The following AGBL4 variants were observed in gnomAD, a reference collection of about 807,000 sequenced individuals.
AGBL4 encodes the protein AGBL carboxypeptidase 4, also known as cytosolic carboxypeptidase 6.
A neutral mutation model predicts 66.4 loss-of-function variants in AGBL4; 58 were observed. That is an observed-to-expected ratio of 0.87 (90% CI 0.71 to 1.09). The LOEUF is 1.09. Among genes scored for constraint, AGBL4 ranks in the 50% least tolerant of loss-of-function variants. The pLI, the probability that AGBL4 is intolerant of heterozygous loss-of-function variation, is 0.00. For synonymous variants in AGBL4, 234 were observed against 222.9 expected, an observed-to-expected ratio of 1.05 and a Z score of -0.44; for missense variants, 579 against 631.0, an observed-to-expected ratio of 0.92 and a Z score of 0.88.
rs542672774 is a variant in AGBL4, at chr1:49,530,799, T to A, written c.282+166514A>T. On this transcript the variant is annotated intron_variant, in intron 3 of 13. Transcript: ENST00000371839. ...ATCATCCTGAAGAGAGTAAATATAA[T>A]AAAATGATTAAGAATATAAGCCCTA... Among the ~76,000 whole-genome samples the A allele has an allele frequency of 1.0e-3, 158 of 152,098 alleles. 1 individual carries two copies. Among genetic ancestry groups the A allele is most frequent in the Non-Finnish European group, 1.9e-3 (131 of 67,942 alleles).
intron 3 of AGBL4, among the ~76,000 whole-genome samples, chr1:49,323,401 C>G (rs1190939373): frequency 6.6e-6 from 1 of 151,916 alleles, no homozygotes; most frequent in African/African-American, 2.4e-5. Context: ...CCTGCTTCAG[C>G]CTCTCTAGTA....
At chr1:49,615,325 GACAA>G (rs915361401) in intron 3 of AGBL4, among the ~76,000 whole-genome samples, 10 of 152,036 alleles carry the variant, frequency 6.6e-5, no homozygotes, top group Non-Finnish European at 1.3e-4. Context: ...TATACTTCAG[GACAA>G]ACAATTATGG....
intron 1 of AGBL4, among the ~76,000 whole-genome samples, chr1:49,880,727 G>A (rs1305865675): frequency 1.3e-5 from 2 of 152,300 alleles, no homozygotes; most frequent in East Asian, 3.9e-4. Context: ...ACCTAAGCAA[G>A]CCTGGGCAAT....
At chr1:49,055,888 T>C (rs1345036494) in intron 4 of AGBL4, among the ~76,000 whole-genome samples, 1 of 152,074 alleles carries the variant, frequency 6.6e-6, no homozygotes, top group East Asian at 1.9e-4. Context: ...TTTCAAAAAA[T>C]ATACAATTTT....
chr1:49,897,948 G>A (rs1430676567), intron 1 of AGBL4, among the ~76,000 whole-genome samples: 2 of 151,814 alleles, frequency 1.3e-5, no homozygotes, highest in Non-Finnish European at 2.9e-5. Flanking sequence ...TTTTTTCCAT[G>A]TACAAAAATC....
intron 4 of AGBL4, among the ~76,000 whole-genome samples, chr1:49,230,001 A>G: frequency 6.6e-6 from 1 of 152,226 alleles, no homozygotes; most frequent in East Asian, 1.9e-4. Context: ...AAATTGAGGC[A>G]TAGAGATATT....
At chr1:49,300,950 C>A (rs186189485) in intron 3 of AGBL4, among the ~76,000 whole-genome samples, 1 of 152,252 alleles carries the variant, frequency 6.6e-6, no homozygotes, top group Admixed American at 6.5e-5. Context: ...CCTATACTTG[C>A]CTCTCTCATA....
At chr1:49,778,631 C>G (rs1644258956) in intron 2 of AGBL4, among the ~76,000 whole-genome samples, 1 of 152,186 alleles carries the variant, frequency 6.6e-6, no homozygotes, top group African/African-American at 2.4e-5. Context: ...GTAAAAGAGC[C>G]CTCCTGGATA....
intron 3 of AGBL4, among the ~76,000 whole-genome samples, chr1:49,623,028 T>C (rs1260131473): frequency 6.6e-6 from 1 of 152,170 alleles, no homozygotes; most frequent in African/African-American, 2.4e-5. Flanking sequence ...ACACACTCTC[T>C]CTCTCAAATT....
intron 1 of AGBL4, among the ~76,000 whole-genome samples, chr1:49,960,122 C>T (rs549270869): frequency 1.3e-5 from 2 of 152,074 alleles, no homozygotes; most frequent in African/African-American, 4.8e-5. Context: ...CCATGACCTG[C>T]AGTTTACCTA....
intron 3 of AGBL4, among the ~76,000 whole-genome samples, chr1:49,302,478 C>T (rs1201987794): frequency 6.6e-6 from 1 of 151,936 alleles, no homozygotes; most frequent in Non-Finnish European, 1.5e-5. Flanking sequence ...TAGTCTCAAA[C>T]TCCTGACCTC....
chr1:49,124,260 C>T (rs1435942158), intron 4 of AGBL4, among the ~76,000 whole-genome samples: 3 of 152,138 alleles, frequency 2.0e-5, no homozygotes, highest in African/African-American at 7.2e-5. Context: ...CCCCTGCCTC[C>T]AATCCTGGTT....
At chr1:49,936,961 C>A (rs1411598320) in intron 1 of AGBL4, among the ~76,000 whole-genome samples, 4 of 152,104 alleles carry the variant, frequency 2.6e-5, no homozygotes, top group Admixed American at 6.6e-5. Flanking sequence ...CTAACATCAT[C>A]ATGACAGGAT....
intron 3 of AGBL4, among the ~76,000 whole-genome samples, chr1:49,669,968 G>A (rs999317478): frequency 6.6e-6 from 1 of 151,942 alleles, no homozygotes; most frequent in African/African-American, 2.4e-5. Flanking sequence ...ATGAAAACAT[G>A]GGTACCTGTG....
At chr1:49,736,555 C>G (rs1649906457) in intron 2 of AGBL4, among the ~76,000 whole-genome samples, 1 of 151,992 alleles carries the variant, frequency 6.6e-6, no homozygotes, top group African/African-American at 2.4e-5. Flanking sequence ...AATTAAAACA[C>G]AGCATACTAA....
At chr1:48,941,622 T>G (rs1655982496) in intron 5 of AGBL4, among the ~76,000 whole-genome samples, 1 of 152,188 alleles carries the variant, frequency 6.6e-6, no homozygotes, top group Non-Finnish European at 1.5e-5. Flanking sequence ...TGTAAAAGAC[T>G]AAATTTCCTG....
At chr1:49,014,180 A>G (rs1557560629) in intron 5 of AGBL4, among the ~76,000 whole-genome samples, 1 of 152,228 alleles carries the variant, frequency 6.6e-6, no homozygotes, top group Non-Finnish European at 1.5e-5. Context: ...AAAATGAAGT[A>G]GAAGGAATCT....
intron 2 of AGBL4, among the ~76,000 whole-genome samples, chr1:49,753,953 C>A (rs1205856051): frequency 6.6e-6 from 1 of 152,160 alleles, no homozygotes; most frequent in East Asian, 1.9e-4. Context: ...ACTGGTTATT[C>A]TAGTTAGCAG....
At chr1:50,008,110 T>C (rs1243262341) in intron 1 of AGBL4, among the ~76,000 whole-genome samples, 1 of 152,206 alleles carries the variant, frequency 6.6e-6, no homozygotes, top group African/African-American at 2.4e-5. Context: ...CTTTTAGCAC[T>C]GGACAGACAA....
Sources: allele counts gnomAD v4.1 joint callset (sites outside exome capture counted in the v4.1 genomes callset), GRCh38; gene constraint gnomAD v4.1.1; transcripts MANE v1.5; gene names NCBI Gene and HGNC (gene_info 2026-07-23, HGNC 2026-07-21).